The following DIS3L2 variants were observed in gnomAD, a reference collection of about 807,000 sequenced individuals.
DIS3L2 encodes DIS3-like exonuclease 2.
Under a neutral mutation model 97.5 loss-of-function variants are expected in DIS3L2, and 34 were observed. That is an observed-to-expected ratio of 0.35 (90% CI 0.27 to 0.46). DIS3L2 has a LOEUF of 0.46. DIS3L2 is among the 20% of genes least tolerant of loss of function. The pLI, the probability that DIS3L2 is intolerant of heterozygous loss-of-function variation, is 1.00. For synonymous variants in DIS3L2, 435 were observed against 445.2 expected, an observed-to-expected ratio of 0.98 and a Z score of 0.29; for missense variants, 1,038 against 1,146.0, an observed-to-expected ratio of 0.91 and a Z score of 1.36.
chr2:232,131,793 C>G (rs954770039), intron 7 of DIS3L2: 4 of 151,432 alleles, frequency 2.6e-5, no homozygotes, highest in Non-Finnish European at 5.9e-5. Context: ...CTAAATTATA[C>G]TCTATATATT....
chr2:232,265,554 A>G (rs1693832383), intron 13 of DIS3L2, among the ~76,000 whole-genome samples: 1 of 152,212 alleles, frequency 6.6e-6, no homozygotes. Flanking sequence ...GGGGAGTGGT[A>G]TGTGTATTCT....
chr2:232,138,157 T>C (rs1414425484), intron 8 of DIS3L2, among the ~76,000 whole-genome samples: 1 of 152,212 alleles, frequency 6.6e-6, no homozygotes, highest in Non-Finnish European at 1.5e-5. Context: ...GAGTTTCTCT[T>C]ATTACTTTCA....
rs1238564705 is a variant in DIS3L2 at position 232,201,288 on chromosome 2, C to T, written c.1125-9038C>T. On this transcript the variant is annotated intron_variant, in intron 9 of 20. Coordinates refer to ENST00000325385, the MANE Select transcript of DIS3L2 (RefSeq NM_152383.5). Reference sequence around the variant, plus strand: ...TGAAAATTTGAGGCCAGAATGTTCACCATGAATCTAGTCAAGCCTTTTTAC... The same window carrying T: ...TGAAAATTTGAGGCCAGAATGTTCATCATGAATCTAGTCAAGCCTTTTTAC... 2.0e-5 allele frequency among the ~76,000 whole-genome samples: 3 copies of T among 152,184 alleles called. No individual in the cohort carries two copies. The East Asian group carries it at 5.8e-4, about 29-fold the overall frequency.
downstream of DIS3L2, chr2:232,340,874 C>G (rs772780721): frequency 2.1e-6 from 1 of 471,202 alleles, no homozygotes; most frequent in African/African-American, 2.0e-5. Flanking sequence ...GATTGCCCTT[C>G]GTGGAGGAAA....
intron 8 of DIS3L2, among the ~76,000 whole-genome samples, chr2:232,144,683 T>C (rs1038892567): frequency 6.6e-6 from 1 of 152,180 alleles, no homozygotes; most frequent in Non-Finnish European, 1.5e-5. Context: ...TCCACTAACA[T>C]TCTCTTTCAG....
At chr2:232,032,562 A>G (rs1694831402) in intron 5 of DIS3L2, among the ~76,000 whole-genome samples, 2 of 152,142 alleles carry the variant, frequency 1.3e-5, no homozygotes, top group South Asian at 2.1e-4. Flanking sequence ...TGTTTTAGTC[A>G]TACAGTCTTT....
At chr2:232,251,445 A>T (rs1693414724) in intron 12 of DIS3L2, among the ~76,000 whole-genome samples, 1 of 152,240 alleles carries the variant, frequency 6.6e-6, no homozygotes, top group Non-Finnish European at 1.5e-5. Flanking sequence ...GAAGAGACAG[A>T]AAAGACAAAA....
Position 232,076,929 on chromosome 2 carries a change from C to T in DIS3L2, c.367-10558C>T, listed in dbSNP as rs1484321068. 2.6e-5 allele frequency among the ~76,000 whole-genome samples: 4 copies of T among 152,152 alleles called. 1 individual carries two copies. The highest frequency in any genetic ancestry group is 9.7e-5 in the African/African-American group (4 of 41,420). ...TTCTTGTCTTTGAAATAGGATGCTA[C>T]AAGGCATTTTGCCATTCCTCTGCCA... On this transcript the variant is annotated intron_variant, in intron 5 of 20. Coordinates refer to ENST00000325385, the MANE Select transcript of DIS3L2 (RefSeq NM_152383.5).
intron 13 of DIS3L2, among the ~76,000 whole-genome samples, chr2:232,342,646 C>T (rs1357947637): frequency 1.3e-5 from 2 of 152,224 alleles, no homozygotes; most frequent in African/African-American, 2.4e-5. Flanking sequence ...AGATAAAATT[C>T]CTACTGACAC....
chr2:232,300,932 G>A (rs1293851073), intron 14 of DIS3L2, among the ~76,000 whole-genome samples: 1 of 151,976 alleles, frequency 6.6e-6, no homozygotes, highest in East Asian at 1.9e-4. Context: ...GGGATTACAG[G>A]TATGAGCCAC....
intron 9 of DIS3L2, among the ~76,000 whole-genome samples, chr2:232,197,720 G>A (rs1691791934): frequency 6.6e-6 from 1 of 152,114 alleles, no homozygotes; most frequent in Non-Finnish European, 1.5e-5. Flanking sequence ...TGTAATTCCA[G>A]CACTTTGGGA....
At chr2:232,309,202 A>C (rs1695059841) in intron 14 of DIS3L2, among the ~76,000 whole-genome samples, 1 of 147,572 alleles carries the variant, frequency 6.8e-6, no homozygotes, top group South Asian at 2.1e-4. Context: ...CACACCACTC[A>C]GAAGAGCATC....
chr2:232,330,666 T>C (rs987390923), intron 15 of DIS3L2, 24 bp from the exon 16 acceptor site: 13 of 1,613,226 alleles, frequency 8.1e-6, no homozygotes, highest in African/African-American at 4.0e-5. Context: ...ACACGTCACA[T>C]AGGTTTCTGG....
intron 6 of DIS3L2, among the ~76,000 whole-genome samples, chr2:232,115,304 T>A (rs13002586): frequency 0.13 from 19,431 of 149,654 alleles, 1,528 homozygotes; most frequent in Middle Eastern, 0.19. Flanking sequence ...AAGATTTTTT[T>A]AAAAAAAAAA....
At chr2:232,025,619 A>G (rs1373843320) in intron 4 of DIS3L2, among the ~76,000 whole-genome samples, 2 of 152,170 alleles carry the variant, frequency 1.3e-5, no homozygotes, top group South Asian at 2.1e-4. Context: ...TGTAGAATTG[A>G]GGGTCAGTTT....
intron 7 of DIS3L2, 73 bp downstream of exon 7, chr2:232,130,792 A>T: frequency 6.3e-7 from 1 of 1,581,544 alleles, no homozygotes; most frequent in African/African-American, 1.4e-5. Flanking sequence ...ATCTCGTGTG[A>T]TTCAGTCAGG....
At chr2:232,259,089 A>G (rs548069100) in intron 12 of DIS3L2, among the ~76,000 whole-genome samples, 1 of 152,214 alleles carries the variant, frequency 6.6e-6, no homozygotes, top group East Asian at 1.9e-4. Context: ...TCAAGCTTCT[A>G]CCTCAGCCCT....
chr2:232,218,893 T>C (rs999590020), intron 10 of DIS3L2, among the ~76,000 whole-genome samples: 1 of 152,194 alleles, frequency 6.6e-6, no homozygotes, highest in African/African-American at 2.4e-5. Context: ...TAGCAGACCT[T>C]TGTTACCAAA....
chr2:231,985,854 G>C (rs1015675116), intron 1 of DIS3L2, among the ~76,000 whole-genome samples: 1 of 152,142 alleles, frequency 6.6e-6, no homozygotes, highest in African/African-American at 2.4e-5. Flanking sequence ...TATTGTTTCT[G>C]GGTGTGTCTG....
Sources: allele counts gnomAD v4.1 joint callset (sites outside exome capture counted in the v4.1 genomes callset), GRCh38; gene constraint gnomAD v4.1.1; transcripts MANE v1.5; gene names NCBI Gene and HGNC (gene_info 2026-07-23, HGNC 2026-07-21).